HECW2: variants seen among roughly 807,000 people sequenced by gnomAD.
HECW2 encodes the protein E3 ubiquitin-protein ligase HECW2.
In HECW2, 61 loss-of-function variants were observed where a neutral mutation model predicts 175.2. That is an observed-to-expected ratio of 0.35 (90% CI 0.28 to 0.43). The LOEUF (loss-of-function observed/expected upper bound fraction) is 0.43. Ranked by LOEUF, HECW2 falls within the 20% of genes least tolerant of loss-of-function variation. The pLI is 1.00. For missense variants in HECW2, 1,524 were observed against 2,000.5 expected (o/e 0.76, Z 4.54); for synonymous variants, 671 against 731.0 (o/e 0.92, Z 1.32).
intron 2 of HECW2, among the ~76,000 whole-genome samples, chr2:196,360,539 T>C (rs943850390): frequency 1.4e-4 from 21 of 152,050 alleles, no homozygotes; most frequent in Admixed American, 6.6e-5. Flanking sequence ...CACTGGAGCC[T>C]ACTCGAGGGT....
intron 24 of HECW2, 58 bp from the exon 25 acceptor site, chr2:196,220,999 C>T (rs1386658554): frequency 1.9e-6 from 3 of 1,563,044 alleles, no homozygotes; most frequent in African/African-American, 2.7e-5. Flanking sequence ...GTTATAACAA[C>T]ATTACTAGCA....
chr2:196,575,031 T>G (rs6720499), intron 1 of HECW2, among the ~76,000 whole-genome samples: 7,105 of 134,360 alleles, frequency 0.053, 584 homozygotes, highest in African/African-American at 0.19. Flanking sequence ...CGGTGAGCTA[T>G]GATCATACCA....
chr2:196,555,738 C>T lies in HECW2; in HGVS notation c.-36+37770G>A, dbSNP rs556897039. ...TTAAAAAGAAAAGACAGCATCATAT[C>T]ACCTACTCTGAGCATCCTCCTTAAA... is the stretch of plus-strand genomic sequence containing the variant. On this transcript the variant is annotated intron_variant, in intron 1 of 28. Coordinates refer to ENST00000644978, the MANE Select transcript of HECW2 (RefSeq NM_001348768.2). Among the ~76,000 whole-genome samples, 4 of 152,318 alleles carry T rather than the reference C, an allele frequency of 2.6e-5. No homozygotes were observed. In the South Asian group the frequency reaches 6.2e-4, roughly 24 times the overall value.
chr2:196,329,535 ACACTTT>A, intron 5 of HECW2, 34 bp downstream of exon 5: 1 of 1,523,166 alleles, frequency 6.6e-7, no homozygotes, highest in African/African-American at 1.4e-5. Flanking sequence ...TCGAAACTGT[ACACTTT>A]CAAACTGGAT....
At chr2:196,228,071 T>C in intron 22 of HECW2, 31 bp downstream of exon 22, 1 of 1,493,334 alleles carries the variant, frequency 6.7e-7, no homozygotes, top group Non-Finnish European at 8.9e-7. Flanking sequence ...GGAAATCGCC[T>C]GAAGAAAAGT....
intron 2 of HECW2, among the ~76,000 whole-genome samples, chr2:196,382,873 A>G (rs1694247002): frequency 6.6e-6 from 1 of 152,220 alleles, no homozygotes; most frequent in South Asian, 2.1e-4. Context: ...TAGCAGGACC[A>G]CAAGTAGCTT....
At chr2:196,349,892 G>C (rs1467359820) in intron 2 of HECW2, among the ~76,000 whole-genome samples, 1 of 152,072 alleles carries the variant, frequency 6.6e-6, no homozygotes, top group African/African-American at 2.4e-5. Context: ...ATTATTTTTA[G>C]GAGGAACACC....
intron 2 of HECW2, among the ~76,000 whole-genome samples, chr2:196,381,435 C>G (rs1447529864): frequency 6.6e-6 from 1 of 152,080 alleles, no homozygotes; most frequent in Admixed American, 6.6e-5. Context: ...AATCAATGTC[C>G]ATATAAAATT....
intron 24 of HECW2, among the ~76,000 whole-genome samples, chr2:196,221,982 A>G (rs970384028): frequency 7.2e-5 from 11 of 152,244 alleles, no homozygotes; most frequent in Admixed American, 7.2e-4. Context: ...AAGATTGCTT[A>G]CAACATAAAC....
At chr2:196,552,486 G>C (rs1225530091) in intron 1 of HECW2, among the ~76,000 whole-genome samples, 3 of 152,178 alleles carry the variant, frequency 2.0e-5, no homozygotes, top group Admixed American at 2.0e-4. Flanking sequence ...CATCTTCAGA[G>C]AAAACAGAGA....
At chr2:196,377,588 G>A (rs751303119) in intron 2 of HECW2, among the ~76,000 whole-genome samples, 4 of 152,162 alleles carry the variant, frequency 2.6e-5, no homozygotes, top group Non-Finnish European at 5.9e-5. Flanking sequence ...CCACCTCCAC[G>A]ATTCACTTAC....
intron 2 of HECW2, among the ~76,000 whole-genome samples, chr2:196,418,754 T>C (rs554211133): frequency 2.0e-4 from 30 of 152,112 alleles, no homozygotes; most frequent in African/African-American, 7.0e-4. Context: ...GGTAAGGAAA[T>C]GGGAAACAAA....
Position 196,292,567 on chromosome 2 carries a change from T to C in HECW2, c.2998A>G (p.Lys1000Glu). 1 of 1,612,466 alleles carries C rather than the reference T, an allele frequency of 6.2e-7. No individual in the cohort carries two copies. The highest frequency in any genetic ancestry group is 8.5e-7 in the Non-Finnish European group (1 of 1,179,096). Residue 1000 changes from lysine (K) to glutamate (E), a missense_variant and splice_region_variant, in exon 14 of 29, where the codon AAG becomes GAG. Transcript: ENST00000644978. ...CTGAGGCATCTCCCTCGTGTTACCTTGCCCTGGTGATCATGTTTCATTTCC... is the reference window on the plus strand; with the variant it reads ...CTGAGGCATCTCCCTCGTGTTACCTCGCCCTGGTGATCATGTTTCATTTCC... Reference protein sequence around the residue: ...GWEMKHDHQGKAFFVDHNSRT... With the variant: ...GWEMKHDHQGEAFFVDHNSRT...
In HECW2 at chr2:196,317,351, T is replaced by C; in HGVS notation, c.2357A>G (p.His786Arg). ...GATGGSQANG[H>R]QPLRSLPSVR... The stretch of plus-strand genomic sequence containing the variant: ...TGAAGGTAGTGATCGCAGTGGCTGG[T>C]GGCCGTTGGCTTGAGAACCTAGGAT... Residue 786 changes from histidine to arginine, a missense_variant, in exon 10 of 29, where the codon CAC becomes CGC. Around this residue, in one of 11 missense-constraint regions of HECW2, gnomAD observed 82 missense variants for 124.4 expected, o/e 0.66. Coordinates refer to ENST00000644978, the MANE Select transcript of HECW2 (RefSeq NM_001348768.2). 1 of 1,610,060 alleles carries C rather than the reference T, an allele frequency of 6.2e-7. No homozygotes were observed. The highest frequency in any genetic ancestry group is 1.1e-5 in the South Asian group (1 of 90,512).
intron 21 of HECW2, among the ~76,000 whole-genome samples, chr2:196,236,381 A>G (rs1192039832): frequency 6.6e-6 from 1 of 152,240 alleles, no homozygotes; most frequent in Non-Finnish European, 1.5e-5. Flanking sequence ...TAACTTACAG[A>G]AAGATTGCAA....
In HECW2 at chr2:196,416,961, T is replaced by A. The variant is rs73988200; in HGVS notation, c.292+16171A>T. Among the ~76,000 whole-genome samples, 605 of 152,304 alleles carry A rather than the reference T, an allele frequency of 4.0e-3. 6 individuals carry two copies. The highest frequency in any genetic ancestry group is 0.014 in the African/African-American group (566 of 41,564). On this transcript the variant is annotated intron_variant, in intron 2 of 28. Coordinates refer to ENST00000644978, the MANE Select transcript of HECW2 (RefSeq NM_001348768.2). ...TTTTGGCTATACTAAAAAATCACCT[T>A]CAGGAAGTGGCTTTAGCAACTAATT...
Position 196,318,677 on chromosome 2 carries a change from T to A in HECW2, c.2213A>T (p.Gln738Leu). ...AGCTCCCTCCAGGCTCCCCCTCCGC[T>A]GCCAGACCTCCCCCAGCTCCTCCTG... ...PDQEELGEVW[Q>L]RRGSLEGAAA... The change falls in exon 9 of 29, where the codon CAG becomes CTG. Residue 738 changes from glutamine (Q) to leucine (L), a missense_variant. By Grantham distance (113) the Gln-to-Leu change is moderately radical. This residue lies in a region of HECW2 where 604 missense variants were observed against 588.3 expected (regional missense o/e 1.03). Coordinates refer to ENST00000644978, the MANE Select transcript of HECW2 (RefSeq NM_001348768.2). The A allele has an allele frequency of 1.9e-6, 3 of 1,597,990 alleles. No individual in the cohort carries two copies. The highest frequency in any genetic ancestry group is 2.6e-6 in the Non-Finnish European group (3 of 1,172,120).
chr2:196,326,121 C>T (rs1692142002), intron 5 of HECW2, among the ~76,000 whole-genome samples: 1 of 152,174 alleles, frequency 6.6e-6, no homozygotes. Context: ...CCTGAACCTC[C>T]AAAGACCTTT....
intron 10 of HECW2, among the ~76,000 whole-genome samples, chr2:196,315,422 C>T (rs1193196803): frequency 1.3e-5 from 2 of 152,050 alleles, no homozygotes; most frequent in African/African-American, 2.4e-5. Context: ...CCACTAAATG[C>T]CAGTAGCACC....
Sources: allele counts gnomAD v4.1 joint callset (sites outside exome capture counted in the v4.1 genomes callset), GRCh38; gene constraint gnomAD v4.1.1; regional missense constraint gnomAD v4.1.1; transcripts MANE v1.5; gene names NCBI Gene and HGNC (gene_info 2026-07-23, HGNC 2026-07-21).